Variants in IFT172 observed in about 807,000 individuals in gnomAD.
The protein encoded by IFT172 is intraflagellar transport protein 172 homolog.
A neutral mutation model predicts 248.9 loss-of-function variants in IFT172; 164 were observed. The ratio of observed to expected loss-of-function variants is 0.66; its 90% CI spans 0.58 to 0.75. IFT172 has a LOEUF of 0.75. Ranked by LOEUF, IFT172 falls within the 30% of genes least tolerant of loss-of-function variation. The probability of loss-of-function intolerance (pLI) is 0.00; values close to 1 mark genes in which losing one functional copy is unlikely to be tolerated. For synonymous variants in IFT172, 729 were observed against 791.6 expected, an observed-to-expected ratio of 0.92 and a Z score of 1.33; for missense variants, 1,950 against 2,192.4, an observed-to-expected ratio of 0.89 and a Z score of 2.21.
intron 14 of IFT172, among the ~76,000 whole-genome samples, chr2:27,475,121 T>A (rs549444392): frequency 6.6e-6 from 1 of 152,330 alleles, no homozygotes; most frequent in African/African-American, 2.4e-5. Context: ...TTATTATATA[T>A]GAAATTAATA....
intron 14 of IFT172, among the ~76,000 whole-genome samples, chr2:27,476,423 G>A (rs1667956601): frequency 6.6e-6 from 1 of 152,100 alleles, no homozygotes; most frequent in South Asian, 2.1e-4. Flanking sequence ...ATGAGTAACT[G>A]TGCCTGGACT....
chr2:27,445,682 T>C lies in IFT172; in HGVS notation c.4914+63A>G, dbSNP rs1184760249. On this transcript the variant is annotated intron_variant, in intron 45 of 47. Coordinates refer to ENST00000260570, the MANE Select transcript of IFT172 (RefSeq NM_015662.3). The surrounding 1 kb of genome is among the most constrained non-coding windows in gnomAD (Gnocchi z 4.4). The stretch of plus-strand genomic sequence containing the variant: ...TTCCAAAGATGGCAGCACAAAGATA[T>C]TCTCCCTCCTCAAGGCACTCACACT... 7 of 1,574,420 alleles carry C rather than the reference T, an allele frequency of 4.4e-6. No individual in the cohort carries two copies. Among genetic ancestry groups the C allele is most frequent in the East Asian group, 4.5e-5 (2 of 44,650 alleles).
At chr2:27,467,200 TA>T (rs1268651110) in intron 16 of IFT172, among the ~76,000 whole-genome samples, 1 of 151,648 alleles carries the variant, frequency 6.6e-6, no homozygotes, top group Non-Finnish European at 1.5e-5. Flanking sequence ...ATATTTGAAG[TA>T]AAAAACTCAA....
chr2:27,449,735 C>T lies in IFT172; in HGVS notation c.4116G>A (p.Glu1372=), dbSNP rs758268726. The change falls in exon 37 of 48, where the codon GAG becomes GAA. Residue 1372 remains glutamate, a synonymous_variant. Transcript: ENST00000260570. ...KEAIDAFIEG[E]EWNKAKRVAK... ...CTACACGCTTCGCCTTGTTCCACTC[C>T]TCACCCTCGATGAAAGCATCGATTG... 8.7e-6 allele frequency: 14 copies of T among 1,613,974 alleles called. No homozygotes were observed. In the South Asian group the frequency reaches 1.4e-4, roughly 16 times the overall value.
At position 27,465,494 on chromosome 2, in the gene IFT172, C is replaced by T; in HGVS notation, c.1854G>A (p.Leu618=). The change falls in exon 18 of 48, where the codon CTG becomes CTA. Residue 618 remains leucine, a synonymous_variant. Coordinates refer to ENST00000260570, the MANE Select transcript of IFT172 (RefSeq NM_015662.3). ...TTGCCTCTGTTTCTGGGGTCATTTC[C>T]AGAGTCTCTAAGAAGGCTGTTGCCC... is the stretch of plus-strand genomic sequence containing the variant. ...YIRATAFLET[L]EMTPETEAMW... The T allele has an allele frequency of 6.2e-7, 1 of 1,614,132 alleles. No individual in the cohort carries two copies. The highest frequency in any genetic ancestry group is 8.5e-7 in the Non-Finnish European group (1 of 1,180,034).
At position 27,447,543 on chromosome 2, in the gene IFT172, C is replaced by A; in HGVS notation, c.4631G>T (p.Arg1544Leu). Residue 1544 changes from arginine (R) to leucine (L), a missense_variant, in exon 42 of 48, where the codon CGC (arginine) becomes CTC (leucine). Physicochemically the swap from Arg to Leu is moderately radical, Grantham distance 102. Transcript: ENST00000260570. ...MLLIAHYYAT[R>L]SAAQSVKQLE... The stretch of plus-strand genomic sequence containing the variant: ...CTGTTTGACACTCTGGGCTGCAGAG[C>A]GCGTGGCATAGTAATGAGCGATCAG... 6.2e-7 allele frequency: 1 copy of A among 1,614,092 alleles called. No homozygotes were observed. Among genetic ancestry groups the A allele is most frequent in the Non-Finnish European group, 8.5e-7 (1 of 1,179,986 alleles).
intron 1 of IFT172, among the ~76,000 whole-genome samples, chr2:27,489,392 G>T (rs549767352): frequency 6.6e-6 from 1 of 152,314 alleles, no homozygotes; most frequent in East Asian, 1.9e-4. Flanking sequence ...CCAGCATGGG[G>T]CCTGTACACA....
In IFT172 at chr2:27,446,889, C is replaced by T. The variant is rs187535259; in HGVS notation, c.4660-534G>A. On this transcript the variant is annotated intron_variant, in intron 42 of 47. Coordinates refer to ENST00000260570, the MANE Select transcript of IFT172 (RefSeq NM_015662.3). ...TAATTTTTTGTATTTTTAGTAGAGACGGGGTTTCACCTTGTTAGCCAGGAT... is the reference window on the plus strand; with the variant it reads ...TAATTTTTTGTATTTTTAGTAGAGATGGGGTTTCACCTTGTTAGCCAGGAT... 1.6e-3 allele frequency among the ~76,000 whole-genome samples: 245 copies of T among 151,544 alleles called. 2 individuals carry two copies. Among genetic ancestry groups the T allele is most frequent in the African/African-American group, 5.5e-3 (227 of 41,328 alleles).
chr2:27,482,253 G>C (rs1453247637), intron 7 of IFT172, among the ~76,000 whole-genome samples: 1 of 151,918 alleles, frequency 6.6e-6, no homozygotes, highest in African/African-American at 2.4e-5. Context: ...AAAGTGCTGG[G>C]ATTACAGGAG....
chr2:27,477,123 C>T (rs1668011365), intron 13 of IFT172, 94 bp downstream of exon 13: 1 of 1,154,700 alleles, frequency 8.7e-7, no homozygotes, highest in African/African-American at 1.5e-5. Context: ...CCACACCTGG[C>T]TGAAGCTTTT....
intron 18 of IFT172, chr2:27,465,080 C>A (rs1444522160): frequency 1.6e-5 from 4 of 250,496 alleles, no homozygotes; most frequent in South Asian, 6.0e-5. Flanking sequence ...CGCCACTACG[C>A]CTGGCTAATT....
chr2:27,459,583 A>G, intron 24 of IFT172, 61 bp from the exon 25 acceptor site: 2 of 1,606,994 alleles, frequency 1.2e-6, no homozygotes, highest in Non-Finnish European at 1.7e-6. Context: ...ATGGAGGTAA[A>G]AGGACCCTTT....
chr2:27,479,166 G>A lies in IFT172; in HGVS notation c.1005+343C>T, dbSNP rs1190086095. 4.6e-5 allele frequency among the ~76,000 whole-genome samples: 7 copies of A among 152,062 alleles called. No individual in the cohort carries two copies. In the South Asian group the frequency reaches 1.0e-3, roughly 22 times the overall value. Reference sequence around the variant, plus strand: ...ACTACAGGCACCCGCCACAACGCCCGGCTAATTTTTTTGTATTTTTAGTAG... The same window carrying A: ...ACTACAGGCACCCGCCACAACGCCCAGCTAATTTTTTTGTATTTTTAGTAG... On this transcript the variant is annotated intron_variant, in intron 10 of 47. Transcript: ENST00000260570.
chr2:27,460,847 C>T (rs1157011113), intron 23 of IFT172, among the ~76,000 whole-genome samples, 168 bp downstream of exon 23: 1 of 147,062 alleles, frequency 6.8e-6, no homozygotes, highest in African/African-American at 2.5e-5. Flanking sequence ...CCCCTTATTT[C>T]TTTCTCTATA....
chr2:27,485,487 A>G lies in IFT172; in HGVS notation c.56T>C (p.Val19Ala). The change falls in exon 2 of 48, where the codon GTG becomes GCG. Residue 19 changes from valine (V) to alanine (A), a missense_variant. By Grantham distance (64) the Val-to-Ala change is moderately conservative. This residue lies in a region of IFT172 where 1,166 missense variants were observed against 1,254.1 expected (regional missense o/e 0.93). Transcript: ENST00000260570. ...LLSPQDGAAK[V>A]TCMAWSQNNA... ...GTTCTGGGACCAAGCCATGCAGGTC[A>G]CCTTTGCAGCTCCATCCTGTAGAGG... 1 of 1,614,040 alleles carries G rather than the reference A, an allele frequency of 6.2e-7. No individual in the cohort carries two copies. Among genetic ancestry groups the G allele is most frequent in the Non-Finnish European group, 8.5e-7 (1 of 1,179,908 alleles).
chr2:27,459,719 T>A lies in IFT172; in HGVS notation c.2632A>T (p.Ile878Phe), dbSNP rs1045778698. 1 of 1,612,506 alleles carries A rather than the reference T, an allele frequency of 6.2e-7. No homozygotes were observed. Among genetic ancestry groups the A allele is most frequent in the African/African-American group, 1.3e-5 (1 of 74,914 alleles). ...KQLDAAINHY[I>F]EARCSIKAIE... The stretch of plus-strand genomic sequence containing the variant: ...CCCATACTCCCATACCTGGCTTCGA[T>A]GTAGTGATTAATGGCTGCATCAAGC... Residue 878 changes from isoleucine to phenylalanine, a missense_variant, in exon 24 of 48, where the codon ATC becomes TTC. Physicochemically the swap from Ile to Phe is conservative, Grantham distance 21 (BLOSUM62 0). Transcript: ENST00000260570.
rs1452983002 is a variant in IFT172 at position 27,483,667 on chromosome 2, T to C, written c.403-8A>G. ...GGTGTTTGCTAAACGAACCTGAAAA[T>C]GGAAAAATTGATACAAGTATGGTTA... On this transcript the variant is annotated splice_polypyrimidine_tract_variant and splice_region_variant and intron_variant, in intron 5 of 47. Transcript: ENST00000260570. The C allele has an allele frequency of 6.2e-7, 1 of 1,613,506 alleles. No homozygotes were observed. The highest frequency in any genetic ancestry group is 1.7e-5 in the Admixed American group (1 of 59,940).
At chr2:27,448,175 C>T (rs1403923002) in intron 40 of IFT172, among the ~76,000 whole-genome samples, 2 of 152,168 alleles carry the variant, frequency 1.3e-5, no homozygotes, top group South Asian at 2.1e-4. Flanking sequence ...TCTCGGCTCA[C>T]TGCAAGCTCT....
chr2:27,482,558 T>C (rs906015947), intron 7 of IFT172, among the ~76,000 whole-genome samples: 4 of 152,232 alleles, frequency 2.6e-5, no homozygotes, highest in Non-Finnish European at 4.4e-5. Flanking sequence ...GTGCTGGGAT[T>C]ACAGGCACGG....
Sources: allele counts gnomAD v4.1 joint callset (sites outside exome capture counted in the v4.1 genomes callset), GRCh38; gene constraint gnomAD v4.1.1; regional missense constraint gnomAD v4.1.1; non-coding constraint Gnocchi (gnomAD v3.1); transcripts MANE v1.5; gene names NCBI Gene and HGNC (gene_info 2026-07-23, HGNC 2026-07-21).